The following CCDC122 variants were observed in gnomAD, a reference collection of about 807,000 sequenced individuals.
CCDC122 encodes coiled-coil domain-containing protein 122.
CCDC122 carries 38 observed loss-of-function variants against 37.0 expected under a neutral mutation model. The ratio of observed to expected loss-of-function variants is 1.03; its 90% CI spans 0.79 to 1.35. The LOEUF is 1.35. CCDC122 is among the 40% of genes most tolerant of loss of function. The pLI, the probability that CCDC122 is intolerant of heterozygous loss-of-function variation, is 0.00. For missense variants in CCDC122, 305 were observed against 310.0 expected (o/e 0.98, Z 0.12); for synonymous variants, 83 against 95.6 (o/e 0.87, Z 0.77).
At chr13:43,876,422 C>CACT (rs1329566731) in intron 1 of CCDC122, among the ~76,000 whole-genome samples, 1 of 152,192 alleles carries the variant, frequency 6.6e-6, no homozygotes, top group African/African-American at 2.4e-5. Context: ...AATAGCCAGG[C>CACT]ACTATCTCTG....
At position 43,852,446 on chromosome 13, in the gene CCDC122, G is replaced by GA. The variant is rs757887897; in HGVS notation, c.672+6334dup. Among the ~76,000 whole-genome samples the GA allele has an allele frequency of 3.6e-4, 55 of 152,154 alleles. 1 individual carries two copies. The highest frequency in any genetic ancestry group is 6.6e-4 in the Non-Finnish European group (45 of 67,986). ...AGACAAGAATAAAGAAAAAAAGAAT[G>GA]AAAAGGAATGAACAAAACCTCTGAG... On this transcript the variant is annotated intron_variant, in intron 6 of 6. Coordinates refer to ENST00000444614, the MANE Select transcript of CCDC122 (RefSeq NM_144974.5).
chr13:43,829,450 C>T (rs1285416334), intron 3 of CCDC122, among the ~76,000 whole-genome samples: 1 of 151,938 alleles, frequency 6.6e-6, no homozygotes, highest in Non-Finnish European at 1.5e-5. Flanking sequence ...AGACTACAGG[C>T]GTGTGCCACT....
At chr13:43,830,223 T>C (rs1953076783) in intron 3 of CCDC122, among the ~76,000 whole-genome samples, 1 of 152,156 alleles carries the variant, frequency 6.6e-6, no homozygotes. Flanking sequence ...AAAATTACAT[T>C]GAATGGGACA....
downstream of CCDC122, among the ~76,000 whole-genome samples, chr13:43,834,243 A>G (rs2153868693): frequency 6.6e-6 from 1 of 152,308 alleles, no homozygotes; most frequent in African/African-American, 2.4e-5. Flanking sequence ...TGCTGGGAAA[A>G]CTGCCTAGCC....
intron 3 of CCDC122, among the ~76,000 whole-genome samples, chr13:43,828,112 T>A (rs889684577): frequency 6.6e-6 from 1 of 152,206 alleles, no homozygotes; most frequent in East Asian, 1.9e-4. Flanking sequence ...AGGCTTTTTT[T>A]CTTCTGACTT....
At chr13:43,847,722 A>G (rs937506465) in intron 6 of CCDC122, among the ~76,000 whole-genome samples, 1 of 152,146 alleles carries the variant, frequency 6.6e-6, no homozygotes, top group East Asian at 1.9e-4. Flanking sequence ...CATCTACCTG[A>G]ATAATTCTTA....
chr13:43,847,674 T>C (rs538742096), intron 6 of CCDC122, among the ~76,000 whole-genome samples: 7 of 152,312 alleles, frequency 4.6e-5, no homozygotes, highest in Non-Finnish European at 5.9e-5. Flanking sequence ...TCTTATACTT[T>C]CTACAAAAGA....
At chr13:43,838,274 G>C (rs900452013) in intron 6 of CCDC122, among the ~76,000 whole-genome samples, 9 of 151,940 alleles carry the variant, frequency 5.9e-5, no homozygotes, top group Non-Finnish European at 1.2e-4. Flanking sequence ...AAGAAAAATG[G>C]TTCCATTTCC....
downstream of CCDC122, among the ~76,000 whole-genome samples, chr13:43,832,440 A>T (rs1380000175): frequency 6.6e-6 from 1 of 152,176 alleles, no homozygotes; most frequent in Non-Finnish European, 1.5e-5. Flanking sequence ...TGTTCAATGT[A>T]AAATAACACA....
chr13:43,869,389 TA>T lies in CCDC122; in HGVS notation c.-14del. 1 of 1,603,210 alleles carries T rather than the reference TA, an allele frequency of 6.2e-7. No individual in the cohort carries two copies. The highest frequency in any genetic ancestry group is 8.5e-7 in the Non-Finnish European group (1 of 1,172,828). ...TGTTGTCTGACATTTTCTGTGTCTG[TA>T]ATCTCTTTTCCCCTTTTTGATTTAC... On this transcript the variant is annotated 5_prime_UTR_variant, in exon 3 of 7. Transcript: ENST00000444614.
Position 43,857,288 on chromosome 13 carries a change from T to C in CCDC122, c.672+1493A>G, listed in dbSNP as rs550656821. 1.9e-4 allele frequency among the ~76,000 whole-genome samples: 29 copies of C among 152,348 alleles called. No individual in the cohort carries two copies. In the South Asian group the frequency reaches 5.6e-3, roughly 29 times the overall value. On this transcript the variant is annotated intron_variant, in intron 6 of 6. Coordinates refer to ENST00000444614, the MANE Select transcript of CCDC122 (RefSeq NM_144974.5). ...TAATCTAGAATGGAGTCTTGTTCTT[T>C]CTCTTGTGATGGTATATTCCCATAA...
downstream of CCDC122, among the ~76,000 whole-genome samples, chr13:43,833,482 G>A (rs1244124187): frequency 6.6e-6 from 1 of 152,214 alleles, no homozygotes; most frequent in Non-Finnish European, 1.5e-5. Context: ...AAAGCACTGA[G>A]AACCTTGGAA....
intron 4 of CCDC122, among the ~76,000 whole-genome samples, chr13:43,865,955 G>C (rs1954262094): frequency 1.3e-5 from 2 of 151,922 alleles, no homozygotes; most frequent in Admixed American, 6.6e-5. Context: ...GATACTTTGG[G>C]GCCATTAAGT....
intron 6 of CCDC122, among the ~76,000 whole-genome samples, chr13:43,838,600 A>C (rs1953241536): frequency 6.6e-6 from 1 of 152,196 alleles, no homozygotes; most frequent in Non-Finnish European, 1.5e-5. Flanking sequence ...GAAGTTACCA[A>C]CCACAGGTTC....
chr13:43,844,720 C>A (rs1953463150), intron 6 of CCDC122, among the ~76,000 whole-genome samples: 1 of 152,034 alleles, frequency 6.6e-6, no homozygotes, highest in South Asian at 2.1e-4. Flanking sequence ...AATTGACTGA[C>A]CCTGTTTAAC....
At position 43,873,362 on chromosome 13, in the gene CCDC122, A is replaced by T. The variant is rs12430675; in HGVS notation, c.-114+1480T>A. Among the ~76,000 whole-genome samples the T allele has an allele frequency of 3.7e-3, 565 of 152,254 alleles. 7 individuals are homozygous for T. The highest frequency in any genetic ancestry group is 0.026 in the Admixed American group (397 of 15,292). On this transcript the variant is annotated intron_variant, in intron 2 of 6. Coordinates refer to ENST00000444614, the MANE Select transcript of CCDC122 (RefSeq NM_144974.5). Reference sequence around the variant, plus strand: ...CAATATATCACAAACTGAACTTTTGATTCCTCTGTCCACTCTATTACCACC... The same window carrying T: ...CAATATATCACAAACTGAACTTTTGTTTCCTCTGTCCACTCTATTACCACC...
At chr13:43,835,558 AACT>A (rs1953141739), downstream of CCDC122, among the ~76,000 whole-genome samples, 1 of 152,212 alleles carries the variant, frequency 6.6e-6, no homozygotes, top group Non-Finnish European at 1.5e-5. Flanking sequence ...TATTTTAGAA[AACT>A]ACATTAAAAC....
chr13:43,825,463 T>C (rs969522898), intron 3 of CCDC122, among the ~76,000 whole-genome samples: 1 of 150,952 alleles, frequency 6.6e-6, no homozygotes, highest in African/African-American at 2.4e-5. Context: ...AAGATAGAGA[T>C]TGGGGACTCT....
Position 43,868,721 on chromosome 13 carries a change from T to G in CCDC122, c.129A>C (p.Lys43Asn), listed in dbSNP as rs371242790. 6.4e-6 allele frequency: 10 copies of G among 1,559,062 alleles called. No individual in the cohort carries two copies. In the African/African-American group the frequency reaches 8.2e-5, roughly 13 times the overall value. Residue 43 changes from lysine (K) to asparagine (N), a missense_variant, in exon 4 of 7, where the codon AAA becomes AAC. Physicochemically the swap from Lys to Asn is moderately conservative, Grantham distance 94. Transcript: ENST00000444614. ...TCAAATTGAACAGAACCTTTTTGTT[T>G]TTTTCTATCTCTGATGCTTGTGATT... ...QQQSQASEIE[K>N]NKKVLFNLKN...
Sources: allele counts gnomAD v4.1 joint callset (sites outside exome capture counted in the v4.1 genomes callset), GRCh38; gene constraint gnomAD v4.1.1; transcripts MANE v1.5; gene names NCBI Gene and HGNC (gene_info 2026-07-23, HGNC 2026-07-21).